ADK: variants seen among roughly 807,000 people sequenced by gnomAD.
ADK encodes adenosine kinase.
Under a neutral mutation model 44.7 loss-of-function variants are expected in ADK, and 24 were observed. The ratio of observed to expected loss-of-function variants is 0.54; its 90% CI spans 0.39 to 0.76. The LOEUF (loss-of-function observed/expected upper bound fraction) is 0.76, where lower values mean the gene tolerates loss of function less well. ADK is among the 30% of genes least tolerant of loss of function. ADK has a pLI of 0.00. For synonymous variants in ADK, 128 were observed against 142.6 expected (o/e 0.90, Z 0.73); for missense variants, 321 against 425.1 (o/e 0.76, Z 2.15).
chr10:74,303,933 C>A (rs2132532500), intron 3 of ADK, among the ~76,000 whole-genome samples: 1 of 150,016 alleles, frequency 6.7e-6, no homozygotes, highest in Admixed American at 6.7e-5. Flanking sequence ...CGCACCATTG[C>A]ACTCCAGCCT....
chr10:74,588,145 T>G (rs985704009), intron 7 of ADK, among the ~76,000 whole-genome samples: 1 of 152,146 alleles, frequency 6.6e-6, no homozygotes, highest in African/African-American at 2.4e-5. Context: ...TTGCCACTTT[T>G]GCTTCATTTT....
intron 6 of ADK, among the ~76,000 whole-genome samples, chr10:74,487,910 T>C (rs138396857): frequency 2.6e-5 from 4 of 152,190 alleles, no homozygotes; most frequent in East Asian, 1.9e-4. Context: ...TCAGTACTTA[T>C]AGTCATTCTA....
intron 3 of ADK, among the ~76,000 whole-genome samples, chr10:74,244,258 C>T (rs919479970): frequency 2.0e-5 from 3 of 152,040 alleles, no homozygotes; most frequent in Non-Finnish European, 4.4e-5. Flanking sequence ...TATTTTAAAA[C>T]GAAAGTGATG....
chr10:74,514,784 A>C (rs1271751481), intron 6 of ADK, among the ~76,000 whole-genome samples: 1 of 151,882 alleles, frequency 6.6e-6, no homozygotes, highest in Non-Finnish European at 1.5e-5. Context: ...TTACTAGATA[A>C]TTATTGTTTT....
chr10:74,192,289 G>A (rs575026275), intron 1 of ADK, among the ~76,000 whole-genome samples: 4 of 151,536 alleles, frequency 2.6e-5, no homozygotes, highest in South Asian at 4.2e-4. Context: ...GTGCAGTGCC[G>A]CGATCTTGGC....
intron 6 of ADK, among the ~76,000 whole-genome samples, chr10:74,464,499 G>T (rs988883655): frequency 6.6e-6 from 1 of 152,100 alleles, no homozygotes; most frequent in Admixed American, 6.6e-5. Context: ...GGTCGAGGTT[G>T]CAGGGAGCCA....
chr10:74,352,274 A>T (rs906508717), intron 4 of ADK, among the ~76,000 whole-genome samples: 1 of 152,166 alleles, frequency 6.6e-6, no homozygotes, highest in African/African-American at 2.4e-5. Context: ...AATACCACAC[A>T]TCTACAACCA....
Position 74,511,348 on chromosome 10 carries a change from T to C in ADK, c.556-13908T>C, listed in dbSNP as rs184405641. Among the ~76,000 whole-genome samples the C allele has an allele frequency of 5.9e-5, 9 of 152,320 alleles. No homozygotes were observed. The East Asian group carries it at 1.7e-3, about 29-fold the overall frequency. On this transcript the variant is annotated intron_variant, in intron 6 of 10. Coordinates refer to ENST00000539909, the MANE Select transcript of ADK (RefSeq NM_006721.4). Reference sequence around the variant, plus strand: ...CAGGATTGCTTCAGCTATTCAGGGTTTTCTATGTTTCCATACAAATTTTAG... The same window carrying C: ...CAGGATTGCTTCAGCTATTCAGGGTCTTCTATGTTTCCATACAAATTTTAG...
intron 9 of ADK, among the ~76,000 whole-genome samples, chr10:74,666,927 T>C (rs1008909120): frequency 6.6e-6 from 1 of 151,418 alleles, no homozygotes; most frequent in Non-Finnish European, 1.5e-5. Context: ...GCCTCCCAGA[T>C]TCAAGTGATT....
intron 7 of ADK, among the ~76,000 whole-genome samples, chr10:74,556,524 A>G (rs572665277): frequency 2.0e-5 from 3 of 152,338 alleles, no homozygotes; most frequent in South Asian, 4.1e-4. Context: ...CTGCTGTTGT[A>G]TATTTAGCCA....
At chr10:74,558,913 G>A (rs1226120239) in intron 7 of ADK, among the ~76,000 whole-genome samples, 3 of 152,178 alleles carry the variant, frequency 2.0e-5, no homozygotes, top group Non-Finnish European at 2.9e-5. Flanking sequence ...TCCCTCATCT[G>A]TCTCAGGAAG....
rs370685391 is a variant in ADK at position 74,702,425 on chromosome 10, G to GC, written c.965-5890dup. Among the ~76,000 whole-genome samples the GC allele has an allele frequency of 8.0e-3, 1,212 of 151,598 alleles. 15 individuals carry two copies. Among genetic ancestry groups the GC allele is most frequent in the African/African-American group, 0.026 (1,089 of 41,300 alleles). ...TCTTGAACTCCTGACCTTGTGATCC[G>GC]CCCCCCTCGGCCTCCCAAAGTGCTG... On this transcript the variant is annotated intron_variant, in intron 10 of 10. Transcript: ENST00000539909.
chr10:74,340,879 T>C (rs1841560504), intron 4 of ADK, among the ~76,000 whole-genome samples: 1 of 152,218 alleles, frequency 6.6e-6, no homozygotes, highest in Non-Finnish European at 1.5e-5. Context: ...ATATCAGGCA[T>C]AGTACAATAT....
Position 74,425,101 on chromosome 10 carries a change from G to A in ADK, c.555+26522G>A, listed in dbSNP as rs139143997. 1.1e-4 allele frequency among the ~76,000 whole-genome samples: 17 copies of A among 152,234 alleles called. No individual in the cohort carries two copies. The East Asian group carries it at 2.7e-3, about 24-fold the overall frequency. On this transcript the variant is annotated intron_variant, in intron 6 of 10. Coordinates refer to ENST00000539909, the MANE Select transcript of ADK (RefSeq NM_006721.4). Reference sequence around the variant, plus strand: ...ATTTCTGAGACTGAGATGAAGATACGTTTCCAAAGAGAGTATTTACATTTG... The same window carrying A: ...ATTTCTGAGACTGAGATGAAGATACATTTCCAAAGAGAGTATTTACATTTG...
At chr10:74,202,057 A>G (rs1377994926) in intron 2 of ADK, among the ~76,000 whole-genome samples, 3 of 152,172 alleles carry the variant, frequency 2.0e-5, no homozygotes, top group African/African-American at 4.8e-5. Flanking sequence ...TCACCCCAAA[A>G]TGAAATCCCA....
At chr10:74,576,023 G>A (rs1179052117) in intron 7 of ADK, among the ~76,000 whole-genome samples, 1 of 152,042 alleles carries the variant, frequency 6.6e-6, no homozygotes, top group African/African-American at 2.4e-5. Flanking sequence ...AGAAAGTGAG[G>A]CAGGATATCT....
rs190172140 is a variant in ADK at position 74,347,301 on chromosome 10, G to T, written c.273+32556G>T. Among the ~76,000 whole-genome samples the T allele has an allele frequency of 4.7e-3, 720 of 151,880 alleles. 9 individuals are homozygous for T. Among genetic ancestry groups the T allele is most frequent in the African/African-American group, 0.016 (673 of 41,396 alleles). The stretch of plus-strand genomic sequence containing the variant: ...AGAGGGTGAGCAGAAGCAGGGTGGG[G>T]TATCACCTCACCTGGGAGGTGCAAG... On this transcript the variant is annotated intron_variant, in intron 4 of 10. Coordinates refer to ENST00000539909, the MANE Select transcript of ADK (RefSeq NM_006721.4).
intron 4 of ADK, among the ~76,000 whole-genome samples, chr10:74,347,953 C>G (rs539033466): frequency 6.6e-6 from 1 of 152,282 alleles, no homozygotes; most frequent in East Asian, 1.9e-4. Context: ...CTCCCTGGGA[C>G]AGAGCACCTG....
intron 7 of ADK, among the ~76,000 whole-genome samples, chr10:74,574,536 A>G (rs1299491698): frequency 1.3e-5 from 2 of 152,156 alleles, no homozygotes; most frequent in Non-Finnish European, 2.9e-5. Context: ...GTACTCTTTG[A>G]TATCCAGTAT....
Sources: allele counts gnomAD v4.1 joint callset (sites outside exome capture counted in the v4.1 genomes callset), GRCh38; gene constraint gnomAD v4.1.1; transcripts MANE v1.5; gene names NCBI Gene and HGNC (gene_info 2026-07-23, HGNC 2026-07-21).